The following DNAL1 variants were observed in gnomAD, a reference collection of about 807,000 sequenced individuals.
The protein encoded by DNAL1 is dynein axonemal light chain 1, also known as chromosome 14 open reading frame 168.
A neutral mutation model predicts 29.4 loss-of-function variants in DNAL1; 17 were observed. The ratio of observed to expected loss-of-function variants is 0.58; its 90% CI spans 0.40 to 0.87. DNAL1 has a LOEUF of 0.87. Among genes scored for constraint, DNAL1 ranks in the 40% least tolerant of loss-of-function variants. The probability of loss-of-function intolerance (pLI) is 0.00; values close to 1 mark genes in which losing one functional copy is unlikely to be tolerated. For synonymous variants in DNAL1, 78 were observed against 76.3 expected (o/e 1.02, Z -0.12); for missense variants, 188 against 214.1 (o/e 0.88, Z 0.76).
chr14:73,677,867 TA>T (rs1891778893), intron 5 of DNAL1, among the ~76,000 whole-genome samples: 5 of 70,310 alleles, frequency 7.1e-5, no homozygotes, highest in Admixed American at 4.7e-4. Context: ...CATATATTTA[TA>T]TATATATATA....
intron 5 of DNAL1, among the ~76,000 whole-genome samples, chr14:73,683,622 C>G (rs1020860223): frequency 6.6e-6 from 1 of 151,894 alleles, no homozygotes. Flanking sequence ...CTCAGCCCCC[C>G]ACCCCCCTCT....
rs375416037 is a variant in DNAL1 at position 73,663,229 on chromosome 14, G to A, written c.208+1187G>A. Among the ~76,000 whole-genome samples, 4 of 119,200 alleles carry A rather than the reference G, an allele frequency of 3.4e-5. No individual in the cohort carries two copies. In the South Asian group the frequency reaches 1.0e-3, roughly 31 times the overall value. The allele number at this position is 119,200 out of a possible 152,430, so 78.2% of individuals were successfully genotyped here. On this transcript the variant is annotated intron_variant, in intron 4 of 7. Transcript: ENST00000553645. ...TTTTTTTTTTTTTTTTTTTTGAGAT[G>A]GAGTCTCACTCTGTTGCCCAGGCTG...
At chr14:73,665,664 G>T (rs192247841) in intron 4 of DNAL1, among the ~76,000 whole-genome samples, 1 of 151,896 alleles carries the variant, frequency 6.6e-6, no homozygotes, top group Non-Finnish European at 1.5e-5. Flanking sequence ...GGTGGCGTGC[G>T]CCTGTAATCC....
chr14:73,653,701 C>T (rs1328844688), intron 1 of DNAL1, among the ~76,000 whole-genome samples: 2 of 152,016 alleles, frequency 1.3e-5, no homozygotes, highest in Non-Finnish European at 2.9e-5. Flanking sequence ...ACTCAGGATT[C>T]GTCTTGAAGA....
chr14:73,677,879 TA>T (rs1891779535), intron 5 of DNAL1, among the ~76,000 whole-genome samples: 7 of 107,848 alleles, frequency 6.5e-5, no homozygotes, highest in African/African-American at 1.9e-4. Flanking sequence ...TATATATATA[TA>T]TATTTGTGTG....
At chr14:73,663,378 G>A (rs977597376) in intron 4 of DNAL1, among the ~76,000 whole-genome samples, 1 of 151,776 alleles carries the variant, frequency 6.6e-6, no homozygotes, top group Admixed American at 6.6e-5. Flanking sequence ...GCTAATTTTT[G>A]TATTTTTAGT....
At chr14:73,649,200 T>A (rs1403034879) in intron 1 of DNAL1, among the ~76,000 whole-genome samples, 2 of 151,726 alleles carry the variant, frequency 1.3e-5, no homozygotes, top group Non-Finnish European at 2.9e-5. Context: ...GGTCTCGAAC[T>A]CTTGACCTCA....
intron 2 of DNAL1, among the ~76,000 whole-genome samples, chr14:73,656,842 A>G (rs1184181449): frequency 2.0e-5 from 3 of 152,200 alleles, no homozygotes; most frequent in African/African-American, 7.2e-5. Context: ...ACCTACAAAT[A>G]TATGTCATAA....
chr14:73,681,911 G>A (rs562061966), intron 5 of DNAL1, among the ~76,000 whole-genome samples: 8 of 151,740 alleles, frequency 5.3e-5, no homozygotes, highest in Non-Finnish European at 5.9e-5. Context: ...TTGGGAGTTC[G>A]AGATCAGCCT....
chr14:73,664,455 T>C (rs11851162), intron 4 of DNAL1, among the ~76,000 whole-genome samples: 4,177 of 152,240 alleles, frequency 0.027, 165 homozygotes, highest in African/African-American at 0.093. Context: ...TAAAAGCTTT[T>C]AGTATCCAAT....
intron 2 of DNAL1, 45 bp downstream of exon 2, chr14:73,654,930 A>G: frequency 6.6e-7 from 1 of 1,522,532 alleles, no homozygotes; most frequent in Non-Finnish European, 8.8e-7. Context: ...GTACAAGGAA[A>G]AATTTTGGAT....
chr14:73,687,486 A>G (rs1219347723), intron 6 of DNAL1, 101 bp downstream of exon 6: 2 of 1,327,444 alleles, frequency 1.5e-6, no homozygotes, highest in East Asian at 5.2e-5. Flanking sequence ...TTCTAAGCAC[A>G]GAGAGAAAGT....
At chr14:73,678,322 C>T (rs6574136) in intron 5 of DNAL1, among the ~76,000 whole-genome samples, 125,230 of 151,974 alleles carry the variant, frequency 0.82, 52,300 homozygotes, top group African/African-American at 0.95. Flanking sequence ...TTTTTAATAT[C>T]CCTAATAATT....
chr14:73,655,491 G>A (rs1015471455), intron 2 of DNAL1, among the ~76,000 whole-genome samples: 4 of 151,442 alleles, frequency 2.6e-5, no homozygotes, highest in East Asian at 3.9e-4. Flanking sequence ...TTACAGGCAC[G>A]CGCCACAATG....
chr14:73,651,071 T>TA (rs1204057407), intron 1 of DNAL1: 1 of 152,264 alleles, frequency 6.6e-6, no homozygotes, highest in Non-Finnish European at 1.5e-5. Context: ...GTGTTCCTTG[T>TA]ACTCTTGGGA....
intron 5 of DNAL1, among the ~76,000 whole-genome samples, chr14:73,676,553 A>G (rs1331597896): frequency 6.6e-6 from 1 of 152,176 alleles, no homozygotes; most frequent in East Asian, 1.9e-4. Flanking sequence ...TTCAATGTCA[A>G]TACATGCAGA....
chr14:73,676,876 C>T (rs1566886970), intron 5 of DNAL1, among the ~76,000 whole-genome samples: 4 of 151,896 alleles, frequency 2.6e-5, no homozygotes, highest in Non-Finnish European at 5.9e-5. Flanking sequence ...AAATTGTTCC[C>T]ACAATGCTAA....
intron 4 of DNAL1, among the ~76,000 whole-genome samples, chr14:73,668,787 C>T (rs1003893716): frequency 2.6e-5 from 4 of 152,202 alleles, no homozygotes; most frequent in Non-Finnish European, 5.9e-5. Context: ...AGCAATTCTC[C>T]TGCCTCAGCT....
chr14:73,672,421 C>T (rs565312800), intron 5 of DNAL1, among the ~76,000 whole-genome samples: 9 of 151,836 alleles, frequency 5.9e-5, no homozygotes, highest in African/African-American at 1.4e-4. Context: ...CTGGCTACCA[C>T]GGTGAAACCC....
Sources: gnomAD v4.1 joint callset for allele counts (sites outside exome capture counted in the v4.1 genomes callset) on GRCh38, gnomAD v4.1.1 for gene constraint, MANE v1.5 for transcripts, NCBI Gene and HGNC (gene_info 2026-07-23, HGNC 2026-07-21) for gene names.